Variants in NSMAF observed in about 807,000 individuals in gnomAD.
The protein encoded by NSMAF is protein FAN.
NSMAF carries 90 observed loss-of-function variants against 134.9 expected under a neutral mutation model. The ratio of observed to expected loss-of-function variants is 0.67; its 90% CI spans 0.56 to 0.79. The LOEUF (loss-of-function observed/expected upper bound fraction) is 0.79. Ranked by LOEUF, NSMAF falls within the 30% of genes least tolerant of loss-of-function variation. The pLI is 0.00. For synonymous variants in NSMAF, 358 were observed against 389.6 expected (o/e 0.92, Z 0.96); for missense variants, 1,010 against 1,119.0 (o/e 0.90, Z 1.39).
chr8:58,619,082 C>T (rs192788536), intron 9 of NSMAF, among the ~76,000 whole-genome samples: 3 of 152,264 alleles, frequency 2.0e-5, no homozygotes, highest in South Asian at 2.1e-4. Context: ...GCTAATTCTT[C>T]TTATTATTAT....
Position 58,601,473 on chromosome 8 carries a change from A to G in NSMAF, c.1188T>C (p.Gly396=), listed in dbSNP as rs746167493. 73 of 1,611,788 alleles carry G rather than the reference A, an allele frequency of 4.5e-5. No individual in the cohort carries two copies. Among genetic ancestry groups the G allele is most frequent in the South Asian group, 3.0e-4 (27 of 90,984 alleles). ...FMYGSHYSSP[G]YVLFYLVRIA... Reference sequence around the variant, plus strand: ...TCCTAACAAGATAAAAAAGTACATAACCCGGGGAAGAGTAGTGACTCCCAT... The same window carrying G: ...TCCTAACAAGATAAAAAAGTACATAGCCCGGGGAAGAGTAGTGACTCCCAT... Residue 396 remains glycine (G), a synonymous_variant, in exon 15 of 31, where the codon GGT becomes GGC. Transcript: ENST00000038176.
chr8:58,621,193 T>C (rs907202312), intron 9 of NSMAF, among the ~76,000 whole-genome samples: 39 of 152,176 alleles, frequency 2.6e-4, no homozygotes, highest in Admixed American at 2.5e-3. Flanking sequence ...AGTGAGAACA[T>C]GCAGTGTTAG....
At chr8:58,588,506 G>A (rs1322944539) in intron 26 of NSMAF, 11 of 1,190,454 alleles carry the variant, frequency 9.2e-6, no homozygotes, top group Middle Eastern at 2.7e-4. Context: ...TCACGAGATC[G>A]ATTCCTGACT....
chr8:58,602,884 G>C (rs1806316738), intron 13 of NSMAF, among the ~76,000 whole-genome samples: 1 of 152,098 alleles, frequency 6.6e-6, no homozygotes, highest in Non-Finnish European at 1.5e-5. Context: ...TATAAGGTGA[G>C]TGAAATTTTC....
At chr8:58,643,719 C>A (rs1266897836) in intron 1 of NSMAF, among the ~76,000 whole-genome samples, 3 of 152,040 alleles carry the variant, frequency 2.0e-5, no homozygotes, top group Non-Finnish European at 4.4e-5. Context: ...TTAGTAGAGA[C>A]AGGGTTTCTC....
chr8:58,653,947 G>C (rs1328816216), intron 1 of NSMAF, among the ~76,000 whole-genome samples: 1 of 152,154 alleles, frequency 6.6e-6, no homozygotes, highest in Non-Finnish European at 1.5e-5. Context: ...GGGTAGGCTA[G>C]TAATACATTT....
intron 1 of NSMAF, chr8:58,659,081 C>T: frequency 6.8e-6 from 4 of 586,986 alleles, no homozygotes; most frequent in Admixed American, 5.0e-5. Flanking sequence ...AGTGGGTGGT[C>T]GCCGGCCTGC....
At chr8:58,644,408 C>T (rs1807399184) in intron 1 of NSMAF, among the ~76,000 whole-genome samples, 1 of 152,192 alleles carries the variant, frequency 6.6e-6, no homozygotes, top group Admixed American at 6.5e-5. Flanking sequence ...GAAGGCACCA[C>T]TCAGGAGAAA....
At chr8:58,652,625 G>A (rs1276657068) in intron 1 of NSMAF, among the ~76,000 whole-genome samples, 1 of 152,148 alleles carries the variant, frequency 6.6e-6, no homozygotes, top group Admixed American at 6.5e-5. Flanking sequence ...GCCCAGCCAG[G>A]TAGCTGAACG....
intron 27 of NSMAF, 43 bp downstream of exon 27, chr8:58,587,575 C>G (rs771069312): frequency 3.2e-6 from 5 of 1,568,158 alleles, no homozygotes; most frequent in South Asian, 2.2e-5. Flanking sequence ...AACCCCTAGA[C>G]TTTTAAGGTC....
intron 10 of NSMAF, among the ~76,000 whole-genome samples, chr8:58,608,873 C>A (rs184130837): frequency 6.6e-6 from 1 of 152,312 alleles, no homozygotes; most frequent in Admixed American, 6.5e-5. Flanking sequence ...AATTCTTGGG[C>A]CCTGCCAAAT....
rs1159871206 is a variant in NSMAF at position 58,584,645 on chromosome 8, AT to A, written c.2660-446del. 1.1e-4 allele frequency among the ~76,000 whole-genome samples: 16 copies of A among 151,962 alleles called. 1 individual carries two copies. In the East Asian group the frequency reaches 2.9e-3, roughly 28 times the overall value. On this transcript the variant is annotated intron_variant, in intron 30 of 30. Transcript: ENST00000038176. ...GAGAACAAAAGTCACAAAGAATTTC[AT>A]TTTTTTTGAAATAGTCTCGCTCTTG...
chr8:58,642,956 G>A, intron 2 of NSMAF, 28 bp downstream of exon 2: 1 of 1,519,692 alleles, frequency 6.6e-7, no homozygotes, highest in Non-Finnish European at 9.1e-7. Flanking sequence ...AGGTTTGTTT[G>A]TCCAAGGAGA....
intron 6 of NSMAF, among the ~76,000 whole-genome samples, chr8:58,625,705 T>C (rs1410470710): frequency 1.3e-5 from 2 of 152,294 alleles, no homozygotes; most frequent in Middle Eastern, 3.4e-3. Flanking sequence ...AGATGGCATA[T>C]AGTTTTAGAT....
At chr8:58,600,246 A>ACG in intron 16 of NSMAF, 1 of 567,340 alleles carries the variant, frequency 1.8e-6, no homozygotes, top group Non-Finnish European at 3.1e-6. Context: ...GAGTGGGCAT[A>ACG]GAGTCCGAGT....
intron 2 of NSMAF, 104 bp from the exon 3 acceptor site, chr8:58,635,650 TAA>T: frequency 1.4e-6 from 1 of 696,078 alleles, no homozygotes; most frequent in South Asian, 2.0e-5. Flanking sequence ...CATCACATAA[TAA>T]AAGATCAATA....
intron 11 of NSMAF, among the ~76,000 whole-genome samples, chr8:58,607,366 TC>T (rs1184338131): frequency 2.0e-5 from 3 of 152,238 alleles, no homozygotes; most frequent in Non-Finnish European, 2.9e-5. Context: ...ATATACTAGT[TC>T]CACTAAAGAA....
At chr8:58,619,960 T>C (rs748526754) in intron 9 of NSMAF, among the ~76,000 whole-genome samples, 2 of 152,138 alleles carry the variant, frequency 1.3e-5, no homozygotes, top group Non-Finnish European at 2.9e-5. Context: ...CAGATATCAA[T>C]AGTTACCATA....
intron 1 of NSMAF, chr8:58,659,294 C>G (rs1263136865): frequency 3.3e-6 from 5 of 1,524,172 alleles, no homozygotes; most frequent in African/African-American, 1.4e-5. Flanking sequence ...CCTGCACTGC[C>G]GGATAGCTCG....
Sources: allele counts gnomAD v4.1 joint callset (sites outside exome capture counted in the v4.1 genomes callset), GRCh38; gene constraint gnomAD v4.1.1; transcripts MANE v1.5; gene names NCBI Gene and HGNC (gene_info 2026-07-23, HGNC 2026-07-21).